The following AMPH variants were observed in gnomAD, a reference collection of about 807,000 sequenced individuals.
AMPH encodes amphiphysin (Stiff-Mann syndrome with breast cancer 128kD autoantigen).
A neutral mutation model predicts 99.1 loss-of-function variants in AMPH; 49 were observed. That is an observed-to-expected ratio of 0.49 (90% CI 0.39 to 0.63). The LOEUF (loss-of-function observed/expected upper bound fraction) is 0.63. AMPH is among the 20% of genes least tolerant of loss of function. The pLI is 0.00. For synonymous variants in AMPH, 314 were observed against 317.3 expected (o/e 0.99, Z 0.11); for missense variants, 759 against 863.4 (o/e 0.88, Z 1.52).
intron 17 of AMPH, among the ~76,000 whole-genome samples, chr7:38,397,750 T>C (rs1784712366): frequency 6.6e-6 from 1 of 152,164 alleles, no homozygotes; most frequent in South Asian, 2.1e-4. Context: ...ATTTGTGAAC[T>C]ACCCATCTGA....
chr7:38,624,945 T>C (rs973000895), intron 1 of AMPH, among the ~76,000 whole-genome samples: 4 of 150,222 alleles, frequency 2.7e-5, no homozygotes, highest in African/African-American at 9.8e-5. Context: ...GAGGAAACTA[T>C]AAGAAAAAAA....
At chr7:38,586,550 A>T (rs1043968350) in intron 1 of AMPH, among the ~76,000 whole-genome samples, 2 of 147,200 alleles carry the variant, frequency 1.4e-5, no homozygotes, top group Non-Finnish European at 3.0e-5. Flanking sequence ...AGCAACATAG[A>T]CTGATCTTTT....
intron 18 of AMPH, among the ~76,000 whole-genome samples, chr7:38,393,549 T>A (rs1430332804): frequency 6.6e-6 from 1 of 152,188 alleles, no homozygotes; most frequent in African/African-American, 2.4e-5. Flanking sequence ...AGTGGTGGGC[T>A]CTTGGTAAAA....
intron 1 of AMPH, among the ~76,000 whole-genome samples, chr7:38,573,245 C>T (rs576039776): frequency 3.3e-5 from 5 of 152,308 alleles, no homozygotes; most frequent in Admixed American, 2.0e-4. Context: ...CTGGTTCAGC[C>T]TCAGTCCTCC....
chr7:38,536,738 A>G (rs1790619137), intron 1 of AMPH, among the ~76,000 whole-genome samples: 1 of 152,138 alleles, frequency 6.6e-6, no homozygotes, highest in Non-Finnish European at 1.5e-5. Flanking sequence ...GCAGGAATCT[A>G]GTATCATAAA....
At chr7:38,598,502 C>T (rs528255730) in intron 1 of AMPH, among the ~76,000 whole-genome samples, 80 of 152,230 alleles carry the variant, frequency 5.3e-4, no homozygotes, top group African/African-American at 1.8e-3. Context: ...TGGGGTTTCG[C>T]CATGTTGGCC....
intron 1 of AMPH, among the ~76,000 whole-genome samples, chr7:38,578,139 A>G (rs1584267168): frequency 1.3e-5 from 2 of 152,254 alleles, no homozygotes; most frequent in African/African-American, 4.8e-5. Context: ...AGAAAATCAT[A>G]CCCACCACTG....
chr7:38,573,333 C>T (rs1314414825), intron 1 of AMPH, among the ~76,000 whole-genome samples: 1 of 151,328 alleles, frequency 6.6e-6, no homozygotes, highest in Non-Finnish European at 1.5e-5. Context: ...TGTAAACTGA[C>T]TTAAACAGTT....
chr7:38,546,693 G>A (rs901702415), intron 1 of AMPH, among the ~76,000 whole-genome samples: 3 of 152,168 alleles, frequency 2.0e-5, no homozygotes, highest in Admixed American at 6.5e-5. Context: ...AAGAATGACT[G>A]CATGATAGAT....
intron 1 of AMPH, among the ~76,000 whole-genome samples, chr7:38,581,446 G>C (rs1375044055): frequency 6.6e-6 from 1 of 152,194 alleles, no homozygotes; most frequent in Non-Finnish European, 1.5e-5. Flanking sequence ...TGTGGGTAGA[G>C]GGGAACTGGC....
rs537680715 is a variant in AMPH at position 38,607,520 on chromosome 7, G to A, written c.69+23763C>T. On this transcript the variant is annotated intron_variant, in intron 1 of 20. Coordinates refer to ENST00000356264, the MANE Select transcript of AMPH (RefSeq NM_001635.4). The stretch of plus-strand genomic sequence containing the variant: ...AAGAGGCTCCAGTGGTCAACAGCAG[G>A]AGGGTGACAGACCCCTTCAGGGACC... 7.2e-5 allele frequency among the ~76,000 whole-genome samples: 11 copies of A among 152,306 alleles called. No homozygotes were observed. In the South Asian group the frequency reaches 1.7e-3, roughly 23 times the overall value.
In AMPH at chr7:38,422,421, C is replaced by G; in HGVS notation, c.1272G>C (p.Leu424Phe). The G allele has an allele frequency of 1.9e-6, 3 of 1,612,474 alleles. No homozygotes were observed. Among genetic ancestry groups the G allele is most frequent in the Non-Finnish European group, 2.5e-6 (3 of 1,179,058 alleles). The change falls in exon 16 of 21, where the codon TTG (leucine) becomes TTC (phenylalanine). Residue 424 changes from leucine (L) to phenylalanine (F), a missense_variant and splice_region_variant. By Grantham distance (22) the Leu-to-Phe change is conservative (BLOSUM62 0). Transcript: ENST00000356264. ...AGAGCACAAACCCAAATCAACTTAC[C>G]AAGTTGCAGATCATACTCTGGTCTG... Reference protein sequence around the residue: ...MQTDQSMICNLAESEQAPPTE... With the variant: ...MQTDQSMICNFAESEQAPPTE...
chr7:38,532,889 C>G (rs1330517755), intron 2 of AMPH, among the ~76,000 whole-genome samples: 1 of 152,160 alleles, frequency 6.6e-6, no homozygotes, highest in East Asian at 1.9e-4. Flanking sequence ...GAGAAAAACT[C>G]CAAGAGCAAA....
intron 2 of AMPH, among the ~76,000 whole-genome samples, chr7:38,520,873 T>G (rs1406309182): frequency 6.6e-6 from 1 of 152,184 alleles, no homozygotes; most frequent in Non-Finnish European, 1.5e-5. Context: ...CACCAACTAT[T>G]CACTGCACCA....
At chr7:38,502,396 A>C (rs1789170494) in intron 3 of AMPH, among the ~76,000 whole-genome samples, 1 of 152,140 alleles carries the variant, frequency 6.6e-6, no homozygotes, top group Admixed American at 6.5e-5. Flanking sequence ...TGGTAGATGC[A>C]CCTGAATATG....
chr7:38,494,247 C>T (rs1295197081), intron 4 of AMPH, among the ~76,000 whole-genome samples, 186 bp downstream of exon 4: 1 of 152,212 alleles, frequency 6.6e-6, no homozygotes, highest in Non-Finnish European at 1.5e-5. Context: ...GCATGAGCCA[C>T]CGCACCTGGC....
At chr7:38,536,495 G>A (rs1225546124) in intron 1 of AMPH, among the ~76,000 whole-genome samples, 1 of 152,144 alleles carries the variant, frequency 6.6e-6, no homozygotes, top group Non-Finnish European at 1.5e-5. Context: ...TATTCTAAAC[G>A]AAAAATGATT....
chr7:38,595,834 T>C (rs530070299), intron 1 of AMPH, among the ~76,000 whole-genome samples: 97 of 152,374 alleles, frequency 6.4e-4, no homozygotes, highest in African/African-American at 2.3e-3. Context: ...TTTCTGTTCC[T>C]GCATTAATCC....
chr7:38,610,341 A>AG (rs1793619334), intron 1 of AMPH, among the ~76,000 whole-genome samples: 1 of 52,536 alleles, frequency 1.9e-5, no homozygotes, highest in African/African-American at 1.1e-4. Flanking sequence ...GAAAAAAGAA[A>AG]AGAAAAGAAA....
Sources: allele counts gnomAD v4.1 joint callset (sites outside exome capture counted in the v4.1 genomes callset), GRCh38; gene constraint gnomAD v4.1.1; transcripts MANE v1.5; gene names NCBI Gene and HGNC (gene_info 2026-07-23, HGNC 2026-07-21).